Variants in OPHN1 observed in about 807,000 individuals in gnomAD.
OPHN1 encodes oligophrenin-1.
OPHN1 carries 11 observed loss-of-function variants against 60.7 expected under a neutral mutation model. The ratio of observed to expected loss-of-function variants is 0.18; its 90% confidence interval spans 0.11 to 0.30. The LOEUF (loss-of-function observed/expected upper bound fraction) is 0.30, where lower values mean the gene tolerates loss of function less well. OPHN1 is among the 10% of genes least tolerant of loss of function. The pLI, the probability that OPHN1 is intolerant of heterozygous loss-of-function variation, is 1.00. For synonymous variants in OPHN1, 226 were observed against 222.6 expected (o/e 1.02, Z -0.14); for missense variants, 449 against 611.0 (o/e 0.73, Z 2.80).
At chrX:68,318,136 G>A (rs952623888) in intron 2 of OPHN1, among the ~76,000 whole-genome samples, 3 of 111,402 alleles carry the variant, frequency 2.7e-5, no homozygotes, top group African/African-American at 6.5e-5. Flanking sequence ...CAATTAACAA[G>A]TAGAAACTGA....
chrX:68,164,855 T>C (rs1335997184), intron 15 of OPHN1, among the ~76,000 whole-genome samples: 1 of 111,777 alleles, frequency 8.9e-6, no homozygotes, highest in Non-Finnish European at 1.9e-5. Context: ...TCAATGATCT[T>C]AGCTACACCT....
intron 5 of OPHN1, among the ~76,000 whole-genome samples, chrX:68,264,823 C>T (rs1279769828): frequency 8.9e-6 from 1 of 112,189 alleles, no homozygotes; most frequent in African/African-American, 3.2e-5. Context: ...CGGGTCACTC[C>T]CACCCTAATA....
intron 3 of OPHN1, among the ~76,000 whole-genome samples, chrX:68,285,448 T>A (rs1334041486): frequency 9.0e-6 from 1 of 111,519 alleles, no homozygotes; most frequent in Non-Finnish European, 1.9e-5. Flanking sequence ...TTCTTTCATT[T>A]TTCTCTTATT....
intron 5 of OPHN1, among the ~76,000 whole-genome samples, chrX:68,240,126 A>G (rs1020792443): frequency 1.8e-5 from 2 of 112,412 alleles, no homozygotes; most frequent in Non-Finnish European, 3.8e-5. Flanking sequence ...TCATTCTAAC[A>G]GTATTAGTGG....
At chrX:68,051,529 T>G (rs186570576) in intron 23 of OPHN1, among the ~76,000 whole-genome samples, 2 of 111,941 alleles carry the variant, frequency 1.8e-5, no homozygotes, top group Admixed American at 1.9e-4. Context: ...TCCAGGTGAC[T>G]TAGATGTGCA....
At chrX:68,294,473 CAA>C (rs570989143) in intron 3 of OPHN1, among the ~76,000 whole-genome samples, 174 of 10,602 alleles carry the variant, frequency 0.016, no homozygotes, top group African/African-American at 0.043. Context: ...GACTCTATCA[CAA>C]AAAAAAAAAA....
At chrX:68,292,811 C>G (rs1484359778) in intron 3 of OPHN1, among the ~76,000 whole-genome samples, 1 of 111,788 alleles carries the variant, frequency 8.9e-6, no homozygotes, top group African/African-American at 3.3e-5. Flanking sequence ...AGAAGAAGCC[C>G]TATGCACTCA....
intron 20 of OPHN1, among the ~76,000 whole-genome samples, chrX:68,069,569 A>C (rs2076925627): frequency 9.0e-6 from 1 of 111,072 alleles, no homozygotes; most frequent in South Asian, 3.8e-4. Context: ...AATACATGAT[A>C]TGTATACCAG....
intron 15 of OPHN1, among the ~76,000 whole-genome samples, chrX:68,171,082 G>A (rs1409767007): frequency 1.8e-5 from 2 of 110,614 alleles, no homozygotes; most frequent in Non-Finnish European, 3.8e-5. Flanking sequence ...ATTATAGTTA[G>A]TAATAATCTA....
intron 2 of OPHN1, among the ~76,000 whole-genome samples, chrX:68,317,498 AGAGGGAGGGAAAGAG>A (rs2078210424): frequency 1.1e-5 from 1 of 87,380 alleles, no homozygotes; most frequent in African/African-American, 4.5e-5. Context: ...AGGGAGGGAG[AGAGGGAGGGAAAGAG>A]AGAGAGAAAG....
chrX:68,119,475 T>C (rs1469011745), intron 15 of OPHN1, 143 bp from the exon 16 acceptor site: 1 of 471,218 alleles, frequency 2.1e-6, no homozygotes, highest in East Asian at 3.8e-5. Flanking sequence ...TCTTTGATAT[T>C]TCAAAAACAT....
intron 19 of OPHN1, among the ~76,000 whole-genome samples, chrX:68,080,054 G>A (rs2076968720): frequency 8.9e-6 from 1 of 111,738 alleles, no homozygotes; most frequent in Non-Finnish European, 1.9e-5. Flanking sequence ...CCCAAGTGCA[G>A]GTAGAGTGAT....
At chrX:68,132,142 T>C (rs2077197500) in intron 15 of OPHN1, among the ~76,000 whole-genome samples, 1 of 111,744 alleles carries the variant, frequency 8.9e-6, no homozygotes, top group African/African-American at 3.3e-5. Context: ...TCTTATTATT[T>C]TGAAATACGT....
rs184190510 is a variant in OPHN1, at chrX:68,291,895, A to T, written c.250+7106T>A. 4.3e-3 allele frequency among the ~76,000 whole-genome samples: 475 copies of T among 111,180 alleles called. 2 individuals carry two copies. The highest frequency in any genetic ancestry group is 7.0e-3 in the Non-Finnish European group (373 of 53,009). On this transcript the variant is annotated intron_variant, in intron 3 of 24. Transcript: ENST00000355520. Reference sequence around the variant, plus strand: ...AATAACTTCCTTAATTGTCCAGTGCATAGTTTTGGTGCTTTTTGTTTTATC... The same window carrying T: ...AATAACTTCCTTAATTGTCCAGTGCTTAGTTTTGGTGCTTTTTGTTTTATC...
intron 20 of OPHN1, among the ~76,000 whole-genome samples, chrX:68,072,060 T>C (rs2076937029): frequency 9.0e-6 from 1 of 111,729 alleles, no homozygotes; most frequent in African/African-American, 3.3e-5. Flanking sequence ...GGGAAAGTAG[T>C]AACCAAGGAT....
intron 4 of OPHN1, among the ~76,000 whole-genome samples, chrX:68,282,294 A>T (rs2078023065): frequency 8.9e-6 from 1 of 112,017 alleles, no homozygotes; most frequent in Non-Finnish European, 1.9e-5. Flanking sequence ...GCCAATCTGA[A>T]ATGGCTACAT....
intron 5 of OPHN1, among the ~76,000 whole-genome samples, chrX:68,258,354 T>TAATGTTAAA (rs1245780547): frequency 1.8e-4 from 18 of 101,942 alleles, no homozygotes; most frequent in African/African-American, 6.8e-4. Context: ...ACCCATTAAC[T>TAATGTTAAA]CGTCATTTAA....
At chrX:68,169,269 T>C (rs1378467867) in intron 15 of OPHN1, among the ~76,000 whole-genome samples, 2 of 111,002 alleles carry the variant, frequency 1.8e-5, no homozygotes, top group African/African-American at 3.3e-5. Flanking sequence ...CACTGCTCAA[T>C]GAAATAAAAT....
intron 15 of OPHN1, among the ~76,000 whole-genome samples, chrX:68,162,385 AAATT>A (rs903316689): frequency 5.1e-4 from 56 of 110,317 alleles, no homozygotes; most frequent in Non-Finnish European, 9.5e-4. Context: ...ATTTTATTAT[AAATT>A]AATAGTAATA....
Sources: allele counts gnomAD v4.1 joint callset (sites outside exome capture counted in the v4.1 genomes callset), GRCh38; gene constraint gnomAD v4.1.1; transcripts MANE v1.5; gene names NCBI Gene and HGNC (gene_info 2026-07-23, HGNC 2026-07-21).